Variants in CTNNBIP1 observed in about 807,000 individuals in gnomAD.
The protein encoded by CTNNBIP1 is catenin beta interacting protein 1.
In CTNNBIP1, 7 loss-of-function variants were observed where a neutral mutation model predicts 11.8. The ratio of observed to expected loss-of-function variants is 0.60; its 90% CI spans 0.34 to 1.12. The LOEUF (loss-of-function observed/expected upper bound fraction) is 1.12, where lower values mean the gene tolerates loss of function less well. CTNNBIP1 is among the 50% of genes most tolerant of loss of function. The pLI is 0.03. For missense variants in CTNNBIP1, 101 were observed against 113.4 expected (o/e 0.89, Z 0.50); for synonymous variants, 58 against 43.9 (o/e 1.32, Z -1.26).
intron 1 of CTNNBIP1, among the ~76,000 whole-genome samples, chr1:9,908,279 G>T (rs1025523255): frequency 1.3e-5 from 2 of 151,694 alleles, no homozygotes; most frequent in African/African-American, 2.4e-5. Context: ...GGATGGTCTC[G>T]AACTCCTGAC....
intron 2 of CTNNBIP1, among the ~76,000 whole-genome samples, chr1:9,881,402 C>T (rs1448515208): frequency 2.1e-5 from 3 of 139,680 alleles, no homozygotes; most frequent in Non-Finnish European, 4.5e-5. Context: ...TGTAATGGCA[C>T]GATCTCAGCT....
chr1:9,872,149 G>A lies in CTNNBIP1; in HGVS notation c.-24-61C>T, dbSNP rs1054363601. On this transcript the variant is annotated intron_variant, in intron 3 of 5. Coordinates refer to ENST00000377263, the MANE Select transcript of CTNNBIP1 (RefSeq NM_020248.3). This position sits in a 1 kb window ranked among gnomAD's most constrained non-coding sequence, Gnocchi z 4.0. Reference sequence around the variant, plus strand: ...TCAGGATGTGACATACTGGGACAATGACACCTGCTAGTGACCCTCACTCCT... The same window carrying A: ...TCAGGATGTGACATACTGGGACAATAACACCTGCTAGTGACCCTCACTCCT... The A allele has an allele frequency of 1.4e-5, 14 of 1,013,082 alleles. No homozygotes were observed. In the African/African-American group the frequency reaches 1.4e-4, roughly 10 times the overall value. 62.8% of individuals were successfully genotyped at this position (1,013,082 alleles called of 1,614,324 possible).
chr1:9,876,853 C>T (rs867970636), intron 3 of CTNNBIP1, among the ~76,000 whole-genome samples: 1,200 of 118,856 alleles, frequency 0.01, 20 homozygotes, highest in African/African-American at 0.067. Flanking sequence ...CATACACACA[C>T]ACACACACAC....
At chr1:9,875,490 T>A (rs1391671533) in intron 3 of CTNNBIP1, among the ~76,000 whole-genome samples, 2 of 152,222 alleles carry the variant, frequency 1.3e-5, no homozygotes, top group African/African-American at 2.4e-5. Flanking sequence ...TCTTCCCGGC[T>A]GGTGCAGCCT....
At position 9,850,601 on chromosome 1, in the gene CTNNBIP1, G is replaced by A. The variant is rs71643073; in HGVS notation, c.*117C>T. On this transcript the variant is annotated 3_prime_UTR_variant, in exon 6 of 6. Coordinates refer to ENST00000377263, the MANE Select transcript of CTNNBIP1 (RefSeq NM_020248.3). Reference sequence around the variant, plus strand: ...GTGAGGTGGGGTGGGGCAGGGCAGGGTTGGGTAGGGGAAGGGGGAGGTGGG... The same window carrying A: ...GTGAGGTGGGGTGGGGCAGGGCAGGATTGGGTAGGGGAAGGGGGAGGTGGG... 17,655 of 868,068 alleles carry A rather than the reference G, an allele frequency of 0.02. 305 individuals are homozygous for A. The highest frequency in any genetic ancestry group is 0.02 in the Non-Finnish European group (10,576 of 522,960). The allele number at this position is 868,068 out of a possible 1,614,324, so 53.8% of individuals were successfully genotyped here. A position where few individuals can be genotyped will look rare whatever the true frequency, so the allele number is the denominator to read the frequency against.
intron 5 of CTNNBIP1, among the ~76,000 whole-genome samples, chr1:9,869,097 T>A (rs982485512): frequency 1.4e-4 from 21 of 151,398 alleles, no homozygotes; most frequent in African/African-American, 5.1e-4. Context: ...CCTCCTGGGC[T>A]CAAGCGATCC....
chr1:9,873,391 G>A (rs1219011969), intron 3 of CTNNBIP1, among the ~76,000 whole-genome samples: 1 of 152,152 alleles, frequency 6.6e-6, no homozygotes, highest in Non-Finnish European at 1.5e-5. Flanking sequence ...TCTCTGATGA[G>A]AAGGACCCCC....
chr1:9,905,321 T>C (rs2101549888), intron 1 of CTNNBIP1, among the ~76,000 whole-genome samples: 1 of 152,248 alleles, frequency 6.6e-6, no homozygotes, highest in South Asian at 2.1e-4. Flanking sequence ...CATCCATGTC[T>C]CCCAAAAGCC....
intron 1 of CTNNBIP1, among the ~76,000 whole-genome samples, chr1:9,897,220 C>T (rs564578325): frequency 9.9e-5 from 15 of 151,750 alleles, no homozygotes; most frequent in South Asian, 6.2e-4. Flanking sequence ...TTTGGGAGGC[C>T]GAGGCGGGCG....
chr1:9,887,115 T>C (rs1243675666), intron 1 of CTNNBIP1, among the ~76,000 whole-genome samples: 2 of 152,222 alleles, frequency 1.3e-5, no homozygotes, highest in Admixed American at 6.5e-5. Context: ...TCAAACCTGA[T>C]GCAAAGCTCC....
At chr1:9,864,576 C>A (rs1303386617) in intron 5 of CTNNBIP1, among the ~76,000 whole-genome samples, 1 of 152,162 alleles carries the variant, frequency 6.6e-6, no homozygotes, top group Non-Finnish European at 1.5e-5. Flanking sequence ...GATCCGCCCA[C>A]CTTGGCCTCC....
chr1:9,905,650 T>G lies in CTNNBIP1; in HGVS notation c.-144+4445A>C, dbSNP rs148070903. ...TTTCACCATGTTACCCAGGATGGTC[T>G]CGATCTCCTGACCTGGTGATCCACC... is the stretch of plus-strand genomic sequence containing the variant. On this transcript the variant is annotated intron_variant, in intron 1 of 5. Coordinates refer to ENST00000377263, the MANE Select transcript of CTNNBIP1 (RefSeq NM_020248.3). 9.3e-3 allele frequency among the ~76,000 whole-genome samples: 1,412 copies of G among 151,882 alleles called. 67 individuals carry two copies. Among genetic ancestry groups the G allele is most frequent in the Admixed American group, 0.07 (1,069 of 15,234 alleles).
intron 2 of CTNNBIP1, among the ~76,000 whole-genome samples, chr1:9,880,384 G>T (rs532531440): frequency 3.0e-4 from 45 of 152,246 alleles, no homozygotes; most frequent in African/African-American, 1.0e-3. Context: ...ATCATTGATG[G>T]GCATCTGGGT....
At chr1:9,881,340 T>C (rs979972985) in intron 2 of CTNNBIP1, among the ~76,000 whole-genome samples, 40 of 144,510 alleles carry the variant, frequency 2.8e-4, no homozygotes, top group Admixed American at 2.1e-3. Context: ...TTTTTTTTTT[T>C]TTTTTTTTTT....
At chr1:9,850,899 A>T (rs1042567403) in intron 5 of CTNNBIP1, 123 bp from the exon 6 acceptor site, 1 of 874,576 alleles carries the variant, frequency 1.1e-6, no homozygotes, top group Admixed American at 1.7e-5. Flanking sequence ...CTCTCTGAGG[A>T]CAAAGTACTT....
At position 9,851,109 on chromosome 1, in the gene CTNNBIP1, C is replaced by G. The variant is rs1261318836; in HGVS notation, c.188-333G>C. Among the ~76,000 whole-genome samples the G allele has an allele frequency of 1.3e-5, 2 of 152,242 alleles. No homozygotes were observed. The highest frequency in any genetic ancestry group is 2.9e-5 in the Non-Finnish European group (2 of 68,034). The stretch of plus-strand genomic sequence containing the variant: ...TCAGCGCTGCTCACAGCCCTTGCTC[C>G]AGAGTTACCAAAGCCAGAGGCGGGG... On this transcript the variant is annotated intron_variant, in intron 5 of 5. Coordinates refer to ENST00000377263, the MANE Select transcript of CTNNBIP1 (RefSeq NM_020248.3). This position sits in a 1 kb window ranked among gnomAD's most constrained non-coding sequence, Gnocchi z 4.8.
intron 1 of CTNNBIP1, among the ~76,000 whole-genome samples, chr1:9,906,485 G>A (rs1639623087): frequency 6.6e-6 from 1 of 152,170 alleles, no homozygotes; most frequent in Non-Finnish European, 1.5e-5. Context: ...TTGAACCCAG[G>A]AGGCAGAGGG....
At position 9,881,465 on chromosome 1, in the gene CTNNBIP1, G is replaced by A. The variant is rs576147452; in HGVS notation, c.-110+2240C>T. On this transcript the variant is annotated intron_variant, in intron 2 of 5. Coordinates refer to ENST00000377263, the MANE Select transcript of CTNNBIP1 (RefSeq NM_020248.3). ...AGCCATTCTCTTCCCTCAGCCTCCC[G>A]AGTAGCTGGGATTACAGATGCCCGC... is the stretch of plus-strand genomic sequence containing the variant. Among the ~76,000 whole-genome samples the A allele has an allele frequency of 1.5e-4, 22 of 147,158 alleles. No homozygotes were observed. In the East Asian group the frequency reaches 3.5e-3, roughly 23 times the overall value.
intron 5 of CTNNBIP1, among the ~76,000 whole-genome samples, chr1:9,860,618 CAAAAAAAA>C (rs35598626): frequency 3.0e-5 from 3 of 101,126 alleles, no homozygotes; most frequent in African/African-American, 1.0e-4. Flanking sequence ...CTTCATCTCT[CAAAAAAAA>C]AAAAAAAAAG....
Sources: allele counts gnomAD v4.1 joint callset (sites outside exome capture counted in the v4.1 genomes callset), GRCh38; gene constraint gnomAD v4.1.1; non-coding constraint Gnocchi (gnomAD v3.1); transcripts MANE v1.5; gene names NCBI Gene and HGNC (gene_info 2026-07-23, HGNC 2026-07-21).